Variants in OPRM1 observed in about 807,000 individuals in gnomAD.
The protein encoded by OPRM1 is mu-type opioid receptor.
A neutral mutation model predicts 31.8 loss-of-function variants in OPRM1; 27 were observed. The ratio of observed to expected loss-of-function variants is 0.85; its 90% CI spans 0.63 to 1.17. The LOEUF is 1.17. Ranked by LOEUF, OPRM1 falls within the 50% of genes most tolerant of loss-of-function variation. The pLI is 0.00. For missense variants in OPRM1, 536 were observed against 511.1 expected (o/e 1.05, Z -0.47); for synonymous variants, 196 against 189.9 (o/e 1.03, Z -0.26).
rs149804601 is a variant in OPRM1 at position 154,204,384 on chromosome 6, A to G, written c.1165-42309A>G. Among the ~76,000 whole-genome samples the G allele has an allele frequency of 6.3e-3, 962 of 152,318 alleles. 10 individuals carry two copies. Among genetic ancestry groups the G allele is most frequent in the African/African-American group, 0.019 (774 of 41,570 alleles). ...CAAAAAAGTCTAAACAAAACAAAAC[A>G]AAACCAAAATGACAAGAAAGGAAGA... On this transcript the variant is annotated intron_variant, in intron 3 of 3. Coordinates refer to the OPRM1 transcript ENST00000337049.
chr6:154,012,336 G>C (rs1173416130), intron 1 of OPRM1, among the ~76,000 whole-genome samples: 2 of 152,080 alleles, frequency 1.3e-5, no homozygotes, highest in Non-Finnish European at 2.9e-5. Flanking sequence ...GCAGTAAATG[G>C]ATCATCAACT....
intron 3 of OPRM1, among the ~76,000 whole-genome samples, chr6:154,205,909 G>A (rs530663096): frequency 4.6e-5 from 7 of 151,936 alleles, no homozygotes; most frequent in African/African-American, 1.2e-4. Flanking sequence ...CAGACCCTTC[G>A]GAAACTCACC....
intron 1 of OPRM1, among the ~76,000 whole-genome samples, chr6:154,030,046 T>G (rs981363276): frequency 7.6e-5 from 11 of 145,610 alleles, no homozygotes; most frequent in East Asian, 3.9e-4. Context: ...GAGTCCTCTT[T>G]CCTTTAAAAA....
intron 1 of OPRM1, among the ~76,000 whole-genome samples, chr6:154,016,160 A>G (rs1240114492): frequency 2.6e-5 from 4 of 152,176 alleles, no homozygotes; most frequent in African/African-American, 9.7e-5. Flanking sequence ...AATTCACTGT[A>G]CTCCTGTTTA....
At chr6:154,082,572 T>C (rs1225121111) in intron 1 of OPRM1, among the ~76,000 whole-genome samples, 1 of 152,198 alleles carries the variant, frequency 6.6e-6, no homozygotes. Context: ...GTTCCTTCCG[T>C]ATTAAAGAAA....
rs1416344639 is a variant in OPRM1, at chr6:154,130,097, T to G, written c.*11376T>G. ...TGCTTTCAATTATACTATCTCTATC[T>G]AAATCTTAATTTGAAATTTAAATTA... On this transcript the variant is annotated 3_prime_UTR_variant, in exon 4 of 4. Coordinates refer to ENST00000330432, the MANE Select transcript of OPRM1 (RefSeq NM_000914.5). Among the ~76,000 whole-genome samples, 1 of 151,942 alleles carries G rather than the reference T, an allele frequency of 6.6e-6. No individual in the cohort carries two copies. Among genetic ancestry groups the G allele is most frequent in the African/African-American group, 2.4e-5 (1 of 41,370 alleles).
Position 154,149,070 on chromosome 6 carries a change from G to A in OPRM1, c.1164+57598G>A, listed in dbSNP as rs559970752. Among the ~76,000 whole-genome samples the A allele has an allele frequency of 2.8e-3, 426 of 152,280 alleles. 2 individuals are homozygous for A. Among genetic ancestry groups the A allele is most frequent in the African/African-American group, 0.01 (416 of 41,544 alleles). ...TTGGGAAGGACTAGGGGAATTGCCT[G>A]TATCTTATCTCAGGGTGTATTAGTT... On this transcript the variant is annotated intron_variant, in intron 3 of 3. Coordinates refer to the OPRM1 transcript ENST00000337049.
In OPRM1 at chr6:154,093,450, T is replaced by C. The variant is rs778888827; in HGVS notation, c.1164+1978T>C. On this transcript the variant is annotated intron_variant, in intron 3 of 3. Coordinates refer to ENST00000330432, the MANE Select transcript of OPRM1 (RefSeq NM_000914.5). ...TGGAGCATTTCTCCTGAGTTAAGCA[T>C]GATTATTCTTCAGTTGCCCGACACT... The C allele has an allele frequency of 9.3e-6, 15 of 1,613,908 alleles. No homozygotes were observed. The East Asian group carries it at 3.3e-4, about 36-fold the overall frequency.
intron 1 of OPRM1, chr6:154,087,882 A>T (rs1314687139): frequency 6.6e-6 from 1 of 152,206 alleles, no homozygotes; most frequent in Non-Finnish European, 1.5e-5. Flanking sequence ...GATATAATGT[A>T]TTATTGCAAG....
At chr6:154,090,835 T>C in intron 2 of OPRM1, 117 bp from the exon 3 acceptor site, 1 of 830,080 alleles carries the variant, frequency 1.2e-6, no homozygotes, top group Non-Finnish European at 1.9e-6. Flanking sequence ...AATTTCTTTA[T>C]AGCCTTAAGT....
intron 1 of OPRM1, chr6:154,083,555 A>T (rs1276757917): frequency 6.6e-6 from 1 of 152,306 alleles, no homozygotes; most frequent in Non-Finnish European, 1.5e-5. Context: ...ATGGTTTGTC[A>T]TCGGGGGACC....
At chr6:154,177,796 T>G (rs1217075259) in intron 3 of OPRM1, among the ~76,000 whole-genome samples, 1 of 152,114 alleles carries the variant, frequency 6.6e-6, no homozygotes, top group Non-Finnish European at 1.5e-5. Context: ...TGGGTATATA[T>G]CCAAAGGATT....
At chr6:154,141,500 G>A (rs1428753548) in intron 3 of OPRM1, among the ~76,000 whole-genome samples, 1 of 152,226 alleles carries the variant, frequency 6.6e-6, no homozygotes, top group Non-Finnish European at 1.5e-5. Context: ...ACAGGTCTCA[G>A]TTAATGTATC....
chr6:154,085,936 G>A (rs574023479), intron 1 of OPRM1, among the ~76,000 whole-genome samples: 1 of 134,334 alleles, frequency 7.4e-6, no homozygotes, highest in Admixed American at 8.4e-5. Flanking sequence ...TGCTCAGGCT[G>A]GAATGCAGTG....
intron 1 of OPRM1, among the ~76,000 whole-genome samples, chr6:154,072,636 T>A (rs1277753134): frequency 6.6e-6 from 1 of 152,254 alleles, no homozygotes; most frequent in Non-Finnish European, 1.5e-5. Context: ...CAGTCATACA[T>A]TAGTTTATGA....
intron 1 of OPRM1, among the ~76,000 whole-genome samples, chr6:154,080,701 C>G (rs1046178968): frequency 3.9e-5 from 6 of 152,208 alleles, no homozygotes; most frequent in African/African-American, 1.4e-4. Context: ...CATCTAGAGT[C>G]TGGTGACCCG....
Position 154,039,722 on chromosome 6 carries a change from C to T in OPRM1, c.178C>T (p.Pro60Ser), listed in dbSNP as rs747092050. ...CCTGGGCGGGAGAGACAGCCTGTGC[C>T]CTCCGACCGGCAGTCCCTCCATGAT... ...TDLGGRDSLCPPTGSPSMITA... is the reference protein window; with the variant it reads ...TDLGGRDSLCSPTGSPSMITA... The change falls in exon 1 of 4, where the codon CCT becomes TCT. Residue 60 changes from proline to serine, a missense_variant. Physicochemically the swap from Pro to Ser is moderately conservative, Grantham distance 74. Transcript: ENST00000330432. 2 of 1,611,954 alleles carry T rather than the reference C, an allele frequency of 1.2e-6. No homozygotes were observed. The highest frequency in any genetic ancestry group is 1.3e-5 in the African/African-American group (1 of 75,064).
rs533387078 is a variant in OPRM1 at position 154,015,674 on chromosome 6, A to G, written c.-1+4656A>G. Among the ~76,000 whole-genome samples, 7 of 152,194 alleles carry G rather than the reference A, an allele frequency of 4.6e-5. No individual in the cohort carries two copies. The East Asian group carries it at 1.2e-3, about 25-fold the overall frequency. ...GAATATGAATACATAAAATAAAAAG[A>G]TATTTTTGGTATGGCAAAATCATAA... On this transcript the variant is annotated intron_variant, in intron 1 of 5. Coordinates refer to the OPRM1 transcript ENST00000434900.
chr6:154,199,516 T>C (rs1024868084), intron 3 of OPRM1: 2 of 877,572 alleles, frequency 2.3e-6, no homozygotes, highest in African/African-American at 3.4e-5. Context: ...TGCAAACTCC[T>C]CTACAAAGCA....
Sources: gnomAD v4.1 joint callset for allele counts (sites outside exome capture counted in the v4.1 genomes callset) on GRCh38, gnomAD v4.1.1 for gene constraint, MANE v1.5 for transcripts, NCBI Gene and HGNC (gene_info 2026-07-23, HGNC 2026-07-21) for gene names.